GLDN: variants seen among roughly 807,000 people sequenced by gnomAD.
GLDN encodes the protein collomin.
A neutral mutation model predicts 56.5 loss-of-function variants in GLDN; 47 were observed. The observed-to-expected ratio is 0.83, with a 90% confidence interval of 0.66 to 1.06. The LOEUF (loss-of-function observed/expected upper bound fraction) is 1.06, where lower values mean the gene tolerates loss of function less well. GLDN is among the 50% of genes least tolerant of loss of function. The pLI, the probability that GLDN is intolerant of heterozygous loss-of-function variation, is 0.00. For synonymous variants in GLDN, 332 were observed against 278.8 expected (o/e 1.19, Z -1.90); for missense variants, 782 against 714.3 (o/e 1.09, Z -1.08).
rs1207928297 is a variant in GLDN, at chr15:51,394,830, G to T, written c.542-5G>T. ...GGCTAATATGTCTTTTGTTTTTTTG[G>T]TCAGGGATACCTGGAGCTGCAGGAA... is the stretch of plus-strand genomic sequence containing the variant. On this transcript the variant is annotated splice_polypyrimidine_tract_variant and splice_region_variant and intron_variant, in intron 4 of 9. Coordinates refer to ENST00000335449, the MANE Select transcript of GLDN (RefSeq NM_181789.4). 2 of 1,613,084 alleles carry T rather than the reference G, an allele frequency of 1.2e-6. No homozygotes were observed. Among genetic ancestry groups the T allele is most frequent in the Non-Finnish European group, 1.7e-6 (2 of 1,179,572 alleles).
chr15:51,375,163 T>C (rs976275318), intron 1 of GLDN, among the ~76,000 whole-genome samples: 2 of 152,168 alleles, frequency 1.3e-5, no homozygotes, highest in Non-Finnish European at 2.9e-5. Context: ...ACAGAATAAA[T>C]CTAGATACAA....
At chr15:51,347,487 T>G (rs1041677452) in intron 1 of GLDN, among the ~76,000 whole-genome samples, 4 of 152,200 alleles carry the variant, frequency 2.6e-5, no homozygotes, top group African/African-American at 9.7e-5. Context: ...AGACAATTCT[T>G]CTTCTTCCAT....
chr15:51,351,119 C>T (rs1157732911), intron 1 of GLDN: 2 of 294,930 alleles, frequency 6.8e-6, no homozygotes, highest in Admixed American at 3.8e-5. Context: ...GATATCTTGG[C>T]CCTTTCTCTT....
chr15:51,365,727 G>A (rs908715605), intron 1 of GLDN, among the ~76,000 whole-genome samples: 4 of 152,130 alleles, frequency 2.6e-5, no homozygotes, highest in African/African-American at 7.2e-5. Context: ...TTTTGGGAAC[G>A]GATTGGACGT....
intron 1 of GLDN, among the ~76,000 whole-genome samples, chr15:51,355,811 C>CTGTG (rs1326566983): frequency 6.6e-6 from 1 of 150,530 alleles, no homozygotes; most frequent in Non-Finnish European, 1.5e-5. Flanking sequence ...GCGTGAGCCA[C>CTGTG]CACACCCGGC....
chr15:51,344,329 A>AT (rs35741521), intron 1 of GLDN, among the ~76,000 whole-genome samples: 9,592 of 152,136 alleles, frequency 0.063, 504 homozygotes, highest in East Asian at 0.29. Context: ...CTCCCACCAG[A>AT]CCCCATCAAG....
chr15:51,412,773 C>CT (rs200529062), downstream of GLDN, among the ~76,000 whole-genome samples: 5 of 151,784 alleles, frequency 3.3e-5, no homozygotes, highest in Admixed American at 1.3e-4. Flanking sequence ...GGTGGGCTGC[C>CT]TTTTTTTTGT....
At chr15:51,370,441 T>G (rs181410695) in intron 1 of GLDN, among the ~76,000 whole-genome samples, 1 of 152,362 alleles carries the variant, frequency 6.6e-6, no homozygotes, top group Admixed American at 6.5e-5. Context: ...ATAAAAGTCT[T>G]ATGGCTAATG....
intron 4 of GLDN, among the ~76,000 whole-genome samples, chr15:51,393,346 T>C (rs1002702949): frequency 6.6e-6 from 1 of 152,198 alleles, no homozygotes; most frequent in Admixed American, 6.5e-5. Flanking sequence ...ACCGCAGCCT[T>C]TAACCTGGGG....
downstream of GLDN, among the ~76,000 whole-genome samples, chr15:51,412,164 T>G (rs2038472046): frequency 6.6e-6 from 1 of 152,180 alleles, no homozygotes. Flanking sequence ...TTTTCCAGAT[T>G]GAAAAATTAA....
intron 6 of GLDN, among the ~76,000 whole-genome samples, chr15:51,399,839 G>A (rs1405063616): frequency 6.6e-6 from 1 of 152,200 alleles, no homozygotes; most frequent in East Asian, 1.9e-4. Context: ...CCACCTGCCA[G>A]ACAGGCCAGG....
At position 51,383,421 on chromosome 15, in the gene GLDN, T is replaced by A. The variant is rs2037811217; in HGVS notation, c.416-15T>A. ...TCGGTGCTGGTTTCTCAACTAAATT[T>A]TTTTTCCGTTGTAGGACCTTCTGGA... is the stretch of plus-strand genomic sequence containing the variant. On this transcript the variant is annotated splice_polypyrimidine_tract_variant and intron_variant, in intron 2 of 9. Transcript: ENST00000335449. 6.2e-7 allele frequency: 1 copy of A among 1,614,020 alleles called. No individual in the cohort carries two copies. The highest frequency in any genetic ancestry group is 1.7e-5 in the Admixed American group (1 of 60,028).
At chr15:51,354,363 G>T (rs187270431) in intron 1 of GLDN, among the ~76,000 whole-genome samples, 4 of 152,284 alleles carry the variant, frequency 2.6e-5, no homozygotes, top group Admixed American at 1.3e-4. Flanking sequence ...TTACTGGAAG[G>T]TGGAAAATGC....
chr15:51,395,107 G>A, intron 5 of GLDN, 126 bp downstream of exon 5: 1 of 975,098 alleles, frequency 1.0e-6, no homozygotes, highest in Non-Finnish European at 1.5e-6. Context: ...CTGTTTTGCA[G>A]CATGTTTTGG....
At chr15:51,373,648 G>T (rs902887252) in intron 1 of GLDN, among the ~76,000 whole-genome samples, 2 of 152,208 alleles carry the variant, frequency 1.3e-5, no homozygotes, top group African/African-American at 4.8e-5. Flanking sequence ...GGCACAGCAC[G>T]CTAGGCAAGG....
intron 1 of GLDN, among the ~76,000 whole-genome samples, chr15:51,346,522 G>A (rs1386581189): frequency 6.6e-6 from 1 of 152,172 alleles, no homozygotes; most frequent in Non-Finnish European, 1.5e-5. Flanking sequence ...CTCACAATGT[G>A]TATAACAAGC....
chr15:51,387,990 C>G (rs1383067802), intron 4 of GLDN, among the ~76,000 whole-genome samples: 1 of 152,182 alleles, frequency 6.6e-6, no homozygotes, highest in Non-Finnish European at 1.5e-5. Context: ...ACCCTTGCCC[C>G]AGGACCTTTG....
intron 1 of GLDN, among the ~76,000 whole-genome samples, chr15:51,357,956 C>T (rs1298693303): frequency 2.6e-5 from 4 of 152,148 alleles, no homozygotes; most frequent in Admixed American, 2.6e-4. Flanking sequence ...GGACCTGTCC[C>T]TCGTACCCTG....
chr15:51,364,328 C>T (rs909054616), intron 1 of GLDN, among the ~76,000 whole-genome samples: 1 of 152,172 alleles, frequency 6.6e-6, no homozygotes, highest in Non-Finnish European at 1.5e-5. Context: ...AGTTCACTAA[C>T]CTTTCATCTG....
Sources: allele counts gnomAD v4.1 joint callset (sites outside exome capture counted in the v4.1 genomes callset), GRCh38; gene constraint gnomAD v4.1.1; transcripts MANE v1.5; gene names NCBI Gene and HGNC (gene_info 2026-07-23, HGNC 2026-07-21).